Variants in RNF130 observed in about 807,000 individuals in gnomAD.
RNF130 encodes E3 ubiquitin-protein ligase RNF130.
RNF130 carries 21 observed loss-of-function variants against 44.6 expected under a neutral mutation model. The observed-to-expected ratio is 0.47, with a 90% confidence interval of 0.33 to 0.68. The LOEUF is 0.68. RNF130 is among the 30% of genes least tolerant of loss of function. The pLI is 0.02. For missense variants in RNF130, 479 were observed against 560.6 expected, an observed-to-expected ratio of 0.85 and a Z score of 1.47; for synonymous variants, 214 against 210.4, an observed-to-expected ratio of 1.02 and a Z score of -0.15.
chr5:179,966,862 A>T lies in RNF130; in HGVS notation c.1094T>A (p.Leu365His). Residue 365 changes from leucine to histidine, a missense_variant, in exon 7 of 9, where the codon CTT becomes CAT. Physicochemically the swap from Leu to His is moderately conservative, Grantham distance 99 (BLOSUM62 -3). Coordinates refer to ENST00000521389, the MANE Select transcript of RNF130 (RefSeq NM_018434.6). ...EPLRTSGISP[L>H]PQDGELTPRT... Reference sequence around the variant, plus strand: ...CGGAGTGAGCTCCCCATCCTGAGGAAGAGGTGAGATCCCCGAAGTTCGAAG... The same window carrying T: ...CGGAGTGAGCTCCCCATCCTGAGGATGAGGTGAGATCCCCGAAGTTCGAAG... 2 of 1,614,196 alleles carry T rather than the reference A, an allele frequency of 1.2e-6. No individual in the cohort carries two copies. The highest frequency in any genetic ancestry group is 1.7e-6 in the Non-Finnish European group (2 of 1,180,032).
intron 8 of RNF130, among the ~76,000 whole-genome samples, chr5:179,956,823 C>A (rs1221997685): frequency 6.6e-6 from 1 of 152,216 alleles, no homozygotes; most frequent in Admixed American, 6.5e-5. Context: ...TCTGGCGGGG[C>A]CAGACCAGGT....
chr5:179,976,526 C>T (rs1456101471), intron 5 of RNF130, among the ~76,000 whole-genome samples: 2 of 152,156 alleles, frequency 1.3e-5, no homozygotes, highest in Admixed American at 1.3e-4. Flanking sequence ...ACGTTTAGAC[C>T]GTCAATGACT....
At chr5:179,942,400 C>T (rs1761978861) in intron 7 of RNF130, among the ~76,000 whole-genome samples, 1 of 151,914 alleles carries the variant, frequency 6.6e-6, no homozygotes, top group East Asian at 1.9e-4. Flanking sequence ...GAAAAATCTC[C>T]AAATTTTGGA....
rs534839892 is a variant in RNF130 at position 180,027,538 on chromosome 5, T to C, written c.442+12915A>G. On this transcript the variant is annotated intron_variant, in intron 2 of 8. Coordinates refer to ENST00000521389, the MANE Select transcript of RNF130 (RefSeq NM_018434.6). Reference sequence around the variant, plus strand: ...TGTGTGTTCTCTGTGCTACTTAACCTGCACTTCTCACCCCATTCTTAGGAC... The same window carrying C: ...TGTGTGTTCTCTGTGCTACTTAACCCGCACTTCTCACCCCATTCTTAGGAC... Among the ~76,000 whole-genome samples, 16 of 152,276 alleles carry C rather than the reference T, an allele frequency of 1.1e-4. No homozygotes were observed. In the East Asian group the frequency reaches 2.1e-3, roughly 20 times the overall value.
At chr5:180,012,999 C>T in intron 3 of RNF130, 62 bp downstream of exon 3, 1 of 1,535,066 alleles carries the variant, frequency 6.5e-7, no homozygotes, top group Non-Finnish European at 8.7e-7. Flanking sequence ...GATGCATGGT[C>T]ACGACAGATG....
chr5:180,065,943 A>G (rs143912976), intron 1 of RNF130, among the ~76,000 whole-genome samples: 102 of 152,354 alleles, frequency 6.7e-4, no homozygotes, highest in African/African-American at 2.2e-3. Context: ...TCAAGAAAAG[A>G]TAAAAATTTT....
chr5:180,027,881 C>T (rs1764026108), intron 2 of RNF130, among the ~76,000 whole-genome samples: 1 of 152,226 alleles, frequency 6.6e-6, no homozygotes, highest in Non-Finnish European at 1.5e-5. Context: ...GTGGCTGCTG[C>T]CGGTGTGAGA....
At chr5:179,998,831 TTATC>T (rs1208117281) in intron 3 of RNF130, among the ~76,000 whole-genome samples, 1 of 133,140 alleles carries the variant, frequency 7.5e-6, no homozygotes, top group African/African-American at 2.7e-5. Context: ...GTATTAGAGT[TTATC>T]TCTCTCTTTA....
chr5:179,990,203 C>G (rs760520677), intron 3 of RNF130, among the ~76,000 whole-genome samples: 24 of 152,086 alleles, frequency 1.6e-4, no homozygotes, highest in Non-Finnish European at 2.9e-5. Context: ...TTATTGGATA[C>G]AAAGTAAAAG....
At chr5:180,058,252 T>C (rs1764884814) in intron 1 of RNF130, among the ~76,000 whole-genome samples, 1 of 152,206 alleles carries the variant, frequency 6.6e-6, no homozygotes, top group Non-Finnish European at 1.5e-5. Context: ...AGTGTGTTCA[T>C]TCTGTGGGAA....
chr5:179,971,787 T>C (rs1406633493), intron 5 of RNF130, among the ~76,000 whole-genome samples: 3 of 152,256 alleles, frequency 2.0e-5, no homozygotes, highest in Non-Finnish European at 4.4e-5. Flanking sequence ...GCAGTTTTGA[T>C]TTATAAAAAG....
chr5:179,972,321 C>G (rs1762602913), intron 5 of RNF130, among the ~76,000 whole-genome samples: 1 of 152,234 alleles, frequency 6.6e-6, no homozygotes, highest in African/African-American at 2.4e-5. Flanking sequence ...ACGCAAATGC[C>G]TAGTACCTTG....
intron 2 of RNF130, among the ~76,000 whole-genome samples, chr5:180,038,643 A>G (rs1381373139): frequency 3.3e-5 from 5 of 152,064 alleles, no homozygotes; most frequent in African/African-American, 9.7e-5. Flanking sequence ...CTAACATTTC[A>G]AGGAACACAG....
At chr5:180,058,147 G>A (rs929450004) in intron 1 of RNF130, among the ~76,000 whole-genome samples, 2 of 152,146 alleles carry the variant, frequency 1.3e-5, no homozygotes, top group African/African-American at 2.4e-5. Context: ...TTACTGCTGG[G>A]GAGCGAGGAG....
At chr5:179,934,021 TC>T (rs1241227584) in intron 7 of RNF130, 8 of 322,654 alleles carry the variant, frequency 2.5e-5, no homozygotes, top group South Asian at 1.8e-4. Flanking sequence ...ACAACAGTGT[TC>T]CCAGCTCTGT....
At chr5:180,034,481 T>G (rs1456711403) in intron 2 of RNF130, among the ~76,000 whole-genome samples, 1 of 152,208 alleles carries the variant, frequency 6.6e-6, no homozygotes, top group East Asian at 1.9e-4. Flanking sequence ...ACCAGCGAAT[T>G]TCATGGGAAG....
intron 5 of RNF130, among the ~76,000 whole-genome samples, chr5:179,973,917 A>G (rs1419870443): frequency 6.6e-6 from 1 of 152,214 alleles, no homozygotes; most frequent in East Asian, 1.9e-4. Flanking sequence ...GGGATACAGA[A>G]CGAGAAACAA....
chr5:179,960,363 G>A lies in RNF130; in HGVS notation c.1244+3108C>T, dbSNP rs553723854. Among the ~76,000 whole-genome samples the A allele has an allele frequency of 9.2e-5, 14 of 152,316 alleles. No individual in the cohort carries two copies. The East Asian group carries it at 1.7e-3, about 19-fold the overall frequency. ...AAAAAAATTTAATGTATAATCAGTC[G>A]CAGTACTAAATAAACAGTATTTCAT... On this transcript the variant is annotated intron_variant, in intron 8 of 8. Transcript: ENST00000521389.
intron 7 of RNF130, among the ~76,000 whole-genome samples, chr5:179,936,988 T>C (rs1331459496): frequency 1.3e-5 from 2 of 152,220 alleles, no homozygotes; most frequent in South Asian, 2.1e-4. Flanking sequence ...ATGTGAGTTC[T>C]AAAAGTATAA....
Sources: gnomAD v4.1 joint callset for allele counts (sites outside exome capture counted in the v4.1 genomes callset) on GRCh38, gnomAD v4.1.1 for gene constraint, MANE v1.5 for transcripts, NCBI Gene and HGNC (gene_info 2026-07-23, HGNC 2026-07-21) for gene names.